CAMK2G: variants seen among roughly 807,000 people sequenced by gnomAD.
CAMK2G encodes calcium/calmodulin-dependent protein kinase type II subunit gamma.
A neutral mutation model predicts 88.7 loss-of-function variants in CAMK2G; 23 were observed. The observed-to-expected ratio is 0.26, with a 90% CI of 0.19 to 0.37. The LOEUF is 0.37. Ranked by LOEUF, CAMK2G falls within the 10% of genes least tolerant of loss-of-function variation. CAMK2G has a pLI of 1.00. For missense variants in CAMK2G, 476 were observed against 780.8 expected, an observed-to-expected ratio of 0.61 and a Z score of 4.65; for synonymous variants, 263 against 294.8, an observed-to-expected ratio of 0.89 and a Z score of 1.11.
At chr10:73,820,486 ATATATATT>A (rs1257381414) in intron 18 of CAMK2G, among the ~76,000 whole-genome samples, 3 of 51,880 alleles carry the variant, frequency 5.8e-5, no homozygotes, top group African/African-American at 3.6e-4. Context: ...ATATATATAT[ATATATATT>A]TTTTTTTTTT....
At chr10:73,816,739 G>A (rs1325930982) in intron 21 of CAMK2G, 7 of 1,370,602 alleles carry the variant, frequency 5.1e-6, no homozygotes, top group Admixed American at 2.2e-5. Flanking sequence ...GATTACAGGC[G>A]TAAGCCACCG....
rs2084540190 is a variant in CAMK2G at position 73,812,883 on chromosome 10, C to T, written c.*1635G>A. The T allele has an allele frequency of 6.5e-6, 1 of 152,732 alleles. No homozygotes were observed. Among genetic ancestry groups the T allele is most frequent in the South Asian group, 2.1e-4 (1 of 4,836 alleles). The allele number at this position is 152,732 out of a possible 1,614,324, so 9.5% of individuals were successfully genotyped here. A position where few individuals can be genotyped will look rare whatever the true frequency, so the allele number is the denominator to read the frequency against. ...GCAGGAAAGGGCTAGGGCCCAGGGG[C>T]TGGGACATGCATGAGGTGCTCGGAG... On this transcript the variant is annotated 3_prime_UTR_variant, in exon 23 of 23. Coordinates refer to ENST00000423381, the MANE Select transcript of CAMK2G (RefSeq NM_001367534.1).
At chr10:73,825,082 T>G (rs150313975) in intron 16 of CAMK2G, among the ~76,000 whole-genome samples, 197 bp downstream of exon 16, 2,536 of 152,232 alleles carry the variant, frequency 0.017, 25 homozygotes, top group Non-Finnish European at 0.027. Context: ...GCAGCACTTC[T>G]GCCATGCGGG....
In CAMK2G at chr10:73,847,237, G is replaced by A; in HGVS notation, c.807C>T (p.His269=). 6.2e-7 allele frequency: 1 copy of A among 1,614,204 alleles called. No individual in the cohort carries two copies. Among genetic ancestry groups the A allele is most frequent in the African/African-American group, 1.3e-5 (1 of 75,052 alleles). Residue 269 remains histidine (H), a synonymous_variant, in exon 10 of 23, where the codon CAC becomes CAT. Transcript: ENST00000423381. ...KRITADQALK[H]PWVCQRSTVA... is the part of the protein sequence containing the mutation. Reference sequence around the variant, plus strand: ...CAAAGACACTTACACAGACCCACGGGTGCTTGAGAGCCTGGTCAGCCGTGA... The same window carrying A: ...CAAAGACACTTACACAGACCCACGGATGCTTGAGAGCCTGGTCAGCCGTGA...
intron 3 of CAMK2G, among the ~76,000 whole-genome samples, chr10:73,860,416 C>A (rs2095321362): frequency 6.6e-6 from 1 of 152,138 alleles, no homozygotes; most frequent in South Asian, 2.1e-4. Context: ...GTGCAGGACA[C>A]CGCAGCAGGA....
Position 73,817,515 on chromosome 10 carries a change from A to G in CAMK2G, c.1403T>C (p.Ile468Thr), listed in dbSNP as rs1315737393. 6.8e-6 allele frequency: 11 copies of G among 1,613,528 alleles called. No homozygotes were observed. The highest frequency in any genetic ancestry group is 9.3e-6 in the Non-Finnish European group (11 of 1,179,520). The change falls in exon 20 of 23, where the codon ATT becomes ACT. Residue 468 changes from isoleucine to threonine, a missense_variant. Physicochemically the swap from Ile to Thr is moderately conservative, Grantham distance 89. Around this residue, in one of 3 missense-constraint regions of CAMK2G, gnomAD observed 278 missense variants for 366.5 expected, o/e 0.76. Transcript: ENST00000423381. ...AAAGTCCCCATTGTTGATGGCTTCA[A>G]TCAGCTGTTCTGTAATCTTAATGAT... ...QEIIKITEQL[I>T]EAINNGDFEA...
rs1249063035 is a variant in CAMK2G at position 73,874,095 on chromosome 10, G to A, written c.65+302C>T. On this transcript the variant is annotated intron_variant, in intron 1 of 22. Transcript: ENST00000423381. ...CCGGGCAGCGTTGGGAGGTGGTCGG[G>A]AGGGGGGCGCCTGAAGGGTGCGGAG... is the stretch of plus-strand genomic sequence containing the variant. 4.7e-5 allele frequency among the ~76,000 whole-genome samples: 7 copies of A among 150,108 alleles called. No individual in the cohort carries two copies. In the East Asian group the frequency reaches 1.4e-3, roughly 30 times the overall value.
rs2093918559 is a variant in CAMK2G at position 73,842,891 on chromosome 10, CCTA to C, written c.820-353_820-351del. Reference sequence around the variant, plus strand: ...TCCTTAGGCAGCTGTTTACTGAGCACCTACTGCGTTCCAGATGCTCAGCAGCGA... The same window carrying C: ...TCCTTAGGCAGCTGTTTACTGAGCACCTGCGTTCCAGATGCTCAGCAGCGA... On this transcript the variant is annotated intron_variant, in intron 10 of 22. Transcript: ENST00000423381. The surrounding 1 kb of genome is among the most constrained non-coding windows in gnomAD (Gnocchi z 4.6). 1.3e-5 allele frequency among the ~76,000 whole-genome samples: 2 copies of C among 152,068 alleles called. No individual in the cohort carries two copies. The highest frequency in any genetic ancestry group is 2.9e-5 in the Non-Finnish European group (2 of 68,006).
intron 18 of CAMK2G, among the ~76,000 whole-genome samples, chr10:73,820,815 G>A (rs1275438502): frequency 1.3e-5 from 2 of 151,740 alleles, no homozygotes; most frequent in Non-Finnish European, 2.9e-5. Context: ...TACGATTACA[G>A]GCACCTGCCA....
At chr10:73,821,807 G>A in intron 17 of CAMK2G, 77 bp from the exon 18 acceptor site, 1 of 1,178,060 alleles carries the variant, frequency 8.5e-7, no homozygotes, top group Non-Finnish European at 1.3e-6. Flanking sequence ...CAAAAGCAGA[G>A]TTTCTGCTCC....
chr10:73,821,952 G>A (rs946741209), intron 17 of CAMK2G, among the ~76,000 whole-genome samples: 4 of 152,140 alleles, frequency 2.6e-5, no homozygotes, highest in East Asian at 1.9e-4. Context: ...CTAAAACCTG[G>A]AGTCATCCTC....
rs79768185 is a variant in CAMK2G at position 73,814,299 on chromosome 10, T to C, written c.*219A>G. On this transcript the variant is annotated 3_prime_UTR_variant, in exon 23 of 23. Transcript: ENST00000423381. Reference sequence around the variant, plus strand: ...ACAATCTTTTTTTCTTTTTTTTTTTTCTTAAATGTAAAAAACACCTCGGTA... The same window carrying C: ...ACAATCTTTTTTTCTTTTTTTTTTTCCTTAAATGTAAAAAACACCTCGGTA... 3.4e-5 allele frequency: 5 copies of C among 147,938 alleles called. No individual in the cohort carries two copies. The highest frequency in any genetic ancestry group is 1.2e-4 in the African/African-American group (5 of 40,336). The allele number at this position is 147,938 out of a possible 1,614,324, so 9.2% of individuals were successfully genotyped here. A position where few individuals can be genotyped will look rare whatever the true frequency, so the allele number is the denominator to read the frequency against.
chr10:73,835,692 A>G (rs1040022145), intron 14 of CAMK2G, among the ~76,000 whole-genome samples: 5 of 101,094 alleles, frequency 4.9e-5, no homozygotes, highest in African/African-American at 1.1e-4. Flanking sequence ...TCTGCCTGAT[A>G]AGACTGATCC....
intron 2 of CAMK2G, among the ~76,000 whole-genome samples, chr10:73,870,122 A>G (rs1156229225): frequency 6.6e-6 from 1 of 152,212 alleles, no homozygotes; most frequent in Non-Finnish European, 1.5e-5. Context: ...AAAAAGACAT[A>G]AGGGCTCAGG....
chr10:73,825,446 A>G (rs2090592667), intron 15 of CAMK2G, 99 bp from the exon 16 acceptor site: 2 of 894,872 alleles, frequency 2.2e-6, no homozygotes, highest in Non-Finnish European at 3.8e-6. Flanking sequence ...GGCCTGGAGG[A>G]GGTAGGCCTG....
chr10:73,826,070 T>C lies in CAMK2G; in HGVS notation c.1087-723A>G, dbSNP rs142820346. On this transcript the variant is annotated intron_variant, in intron 15 of 22. Coordinates refer to ENST00000423381, the MANE Select transcript of CAMK2G (RefSeq NM_001367534.1). ...CCAGAATCCAGCCCCCAGGACAGAG[T>C]AGGCCACACACAGGCCAACATTCCC... Among the ~76,000 whole-genome samples the C allele has an allele frequency of 1.4e-3, 219 of 151,944 alleles. 1 individual carries two copies. Among genetic ancestry groups the C allele is most frequent in the African/African-American group, 5.0e-3 (207 of 41,434 alleles).
In CAMK2G at chr10:73,848,630, G is replaced by A. The variant is rs1294889274; in HGVS notation, c.518-21C>T. 1 of 1,454,222 alleles carries A rather than the reference G, an allele frequency of 6.9e-7. No individual in the cohort carries two copies. The highest frequency in any genetic ancestry group is 1.8e-5 in the Admixed American group (1 of 56,274). The allele number at this position is 1,454,222 out of a possible 1,614,324, so 90.1% of individuals were successfully genotyped here. On this transcript the variant is annotated intron_variant, in intron 7 of 22. Coordinates refer to ENST00000423381, the MANE Select transcript of CAMK2G (RefSeq NM_001367534.1). The surrounding 1 kb of genome is among the most constrained non-coding windows in gnomAD (Gnocchi z 4.5). ...AAAACCTGTAGCAAAAGAGAGGGCA[G>A]AGGCATACTGAACCCACTTTCTCTC... is the stretch of plus-strand genomic sequence containing the variant.
At chr10:73,857,975 C>G (rs946349232) in intron 3 of CAMK2G, among the ~76,000 whole-genome samples, 1 of 152,200 alleles carries the variant, frequency 6.6e-6, no homozygotes, top group Non-Finnish European at 1.5e-5. Flanking sequence ...CCAAATACCC[C>G]ACGTCCCCCA....
chr10:73,832,139 A>G (rs537674817), intron 14 of CAMK2G, among the ~76,000 whole-genome samples: 1 of 152,280 alleles, frequency 6.6e-6, no homozygotes, highest in East Asian at 1.9e-4. Flanking sequence ...TAGAATACAG[A>G]AAAATGTGTA....
Sources: gnomAD v4.1 joint callset for allele counts (sites outside exome capture counted in the v4.1 genomes callset) on GRCh38, gnomAD v4.1.1 for gene constraint, gnomAD v4.1.1 regional missense constraint, Gnocchi (gnomAD v3.1) non-coding constraint, MANE v1.5 for transcripts, NCBI Gene and HGNC (gene_info 2026-07-23, HGNC 2026-07-21) for gene names.